XPO1: variants seen among roughly 807,000 people sequenced by gnomAD.
XPO1 encodes exportin 1, also known as exportin-1.
Under a neutral mutation model 133.3 loss-of-function variants are expected in XPO1, and 5 were observed. That is an observed-to-expected ratio of 0.04 (90% CI 0.02 to 0.08). The LOEUF is 0.08. XPO1 is among the 10% of genes least tolerant of loss of function. The pLI is 1.00. For missense variants in XPO1, 506 were observed against 1,267.5 expected (o/e 0.40, Z 9.12); for synonymous variants, 419 against 408.2 (o/e 1.03, Z -0.32).
chr2:61,506,042 T>C (rs1386618692), intron 4 of XPO1, among the ~76,000 whole-genome samples: 1 of 152,214 alleles, frequency 6.6e-6, no homozygotes, highest in East Asian at 1.9e-4. Context: ...AAGGATTATT[T>C]GATCAAGTAC....
chr2:61,481,305 AAAT>A (rs1489161735), intron 23 of XPO1, 24 bp from the exon 24 acceptor site: 5 of 1,565,852 alleles, frequency 3.2e-6, no homozygotes, highest in African/African-American at 1.4e-5. Context: ...CACAATGATT[AAAT>A]AATGATTTAT....
intron 19 of XPO1, among the ~76,000 whole-genome samples, chr2:61,487,386 C>T (rs767432818): frequency 1.3e-5 from 2 of 152,096 alleles, no homozygotes; most frequent in Non-Finnish European, 2.9e-5. Flanking sequence ...TCACATAATA[C>T]GCATGTTCAG....
rs530055095 is a variant in XPO1, at chr2:61,484,408, TCAC to T, written c.2509-306_2509-304del. 8.4e-5 allele frequency: 23 copies of T among 274,476 alleles called. 1 individual carries two copies. Among genetic ancestry groups the T allele is most frequent in the South Asian group, 1.8e-4 (3 of 16,990 alleles). 17.0% of individuals were successfully genotyped at this position (274,476 alleles called of 1,614,324 possible). On this transcript the variant is annotated intron_variant, in intron 20 of 24. Transcript: ENST00000401558. ...TATCACTTTTGTTTTTAATTTGAAA[TCAC>T]CACTACAGATTACAAAAAAATTTAA... is the stretch of plus-strand genomic sequence containing the variant.
chr2:61,502,087 T>C, intron 5 of XPO1, 47 bp from the exon 6 acceptor site: 1 of 1,556,546 alleles, frequency 6.4e-7, no homozygotes, highest in Middle Eastern at 1.7e-4. Context: ...TAAGTATAAA[T>C]AAGAATATAA....
chr2:61,526,323 G>A, intron 3 of XPO1, 97 bp downstream of exon 3: 6 of 1,466,974 alleles, frequency 4.1e-6, no homozygotes, highest in Non-Finnish European at 5.4e-6. Context: ...AAAATAATTT[G>A]AGATAACAAA....
At chr2:61,487,652 A>C (rs1696763107) in intron 19 of XPO1, among the ~76,000 whole-genome samples, 1 of 152,216 alleles carries the variant, frequency 6.6e-6, no homozygotes, top group African/African-American at 2.4e-5. Context: ...GTTAAAACCT[A>C]AAACTAATTC....
chr2:61,492,751 A>G lies in XPO1; in HGVS notation c.1385-3T>C. On this transcript the variant is annotated splice_polypyrimidine_tract_variant and splice_region_variant and intron_variant, in intron 13 of 24. Transcript: ENST00000401558. This position sits in a 1 kb window ranked among gnomAD's most constrained non-coding sequence, Gnocchi z 5.6. The stretch of plus-strand genomic sequence containing the variant: ...ATAATCCAGATGAGTAAGATAAACT[A>G]CAAAGAAAAACATGGTTTCAAATGC... The G allele has an allele frequency of 3.7e-6, 6 of 1,610,100 alleles. No individual in the cohort carries two copies. The highest frequency in any genetic ancestry group is 5.1e-6 in the Non-Finnish European group (6 of 1,179,132).
intron 1 of XPO1, among the ~76,000 whole-genome samples, chr2:61,535,425 G>A (rs566698341): frequency 6.6e-6 from 1 of 152,254 alleles, no homozygotes; most frequent in African/African-American, 2.4e-5. Context: ...TCCCATTTTA[G>A]GAACTTTCGT....
At position 61,481,269 on chromosome 2, in the gene XPO1, C is replaced by T. The variant is rs768112325; in HGVS notation, c.2985G>A (p.Lys995=). 3 of 1,610,252 alleles carry T rather than the reference C, an allele frequency of 1.9e-6. No homozygotes were observed. The highest frequency in any genetic ancestry group is 1.3e-5 in the African/African-American group (1 of 74,634). The change falls in exon 24 of 25, where the codon AAG becomes AAA. Residue 995 remains lysine (K), a synonymous_variant. Transcript: ENST00000401558. ...AGCTGAAAAGCCCTGTCACAAAGAG[C>T]TTTACTTGAGCACTGCAAATCAAAA... is the stretch of plus-strand genomic sequence containing the variant. ...AFPHLQDAQV[K]LFVTGLFSLN...
At chr2:61,533,633 A>G in intron 2 of XPO1, 139 bp downstream of exon 2, 2 of 1,065,380 alleles carry the variant, frequency 1.9e-6, no homozygotes, top group Non-Finnish European at 2.5e-6. Context: ...ACCAATTTTC[A>G]TTATGGTTAA....
At chr2:61,529,710 T>A (rs1388945444) in intron 2 of XPO1, among the ~76,000 whole-genome samples, 2 of 152,034 alleles carry the variant, frequency 1.3e-5, no homozygotes, top group African/African-American at 4.8e-5. Flanking sequence ...ATCCTGGCTT[T>A]GATGCTTTAT....
intron 1 of XPO1, chr2:61,537,204 T>C (rs1427317505): frequency 6.6e-6 from 1 of 151,892 alleles, no homozygotes; most frequent in Non-Finnish European, 1.5e-5. Context: ...TTTACAGAGA[T>C]GTTCCTGAAA....
At chr2:61,489,279 G>A (rs1419044095) in intron 17 of XPO1, among the ~76,000 whole-genome samples, 2 of 151,488 alleles carry the variant, frequency 1.3e-5, no homozygotes, top group African/African-American at 2.4e-5. Flanking sequence ...CAGGCACAAT[G>A]GTGCTTGCTT....
At chr2:61,506,324 G>A (rs935399493) in intron 4 of XPO1, among the ~76,000 whole-genome samples, 1 of 152,178 alleles carries the variant, frequency 6.6e-6, no homozygotes, top group Non-Finnish European at 1.5e-5. Context: ...TCAGGAGGCT[G>A]AGGCATGAGA....
chr2:61,516,992 C>G (rs1040538444), intron 4 of XPO1, among the ~76,000 whole-genome samples: 7 of 152,104 alleles, frequency 4.6e-5, no homozygotes, highest in African/African-American at 1.7e-4. Flanking sequence ...TAAGCTCCAC[C>G]TCCCAGGTTC....
chr2:61,526,473 C>T lies in XPO1; in HGVS notation c.175G>A (p.Ala59Thr). Residue 59 changes from alanine to threonine, a missense_variant, in exon 3 of 25, where the codon GCT becomes ACT. This residue lies in a region of XPO1 where 68 missense variants were observed against 210.5 expected (regional missense o/e 0.32). Coordinates refer to ENST00000401558, the MANE Select transcript of XPO1 (RefSeq NM_003400.4). The stretch of plus-strand genomic sequence containing the variant: ...AAAATTGTGTCGACTCTTGTCCAAG[C>T]ATCAGGATGCTCCTTTAAATGTGTC... The part of the protein sequence containing the change: ...VLTHLKEHPD[A>T]WTRVDTILEF... 1 of 1,608,444 alleles carries T rather than the reference C, an allele frequency of 6.2e-7. No homozygotes were observed. The highest frequency in any genetic ancestry group is 8.5e-7 in the Non-Finnish European group (1 of 1,178,736).
chr2:61,514,851 G>T (rs1477333359), intron 4 of XPO1, among the ~76,000 whole-genome samples: 1 of 152,074 alleles, frequency 6.6e-6, no homozygotes, highest in Non-Finnish European at 1.5e-5. Context: ...GAAGTGGACA[G>T]ATCACCTGAG....
intron 4 of XPO1, among the ~76,000 whole-genome samples, chr2:61,512,050 T>A (rs1052753998): frequency 6.6e-6 from 1 of 152,176 alleles, no homozygotes; most frequent in Non-Finnish European, 1.5e-5. Context: ...ATTACAGGCG[T>A]GAGACATCGC....
rs138664468 is a variant in XPO1 at position 61,492,627 on chromosome 2, G to A, written c.1506C>T (p.Gly502=). ...CTTCATGCATTGCTCCACTAATGGAGCCTATTGCCCAACACAATGTATTCA... is the reference window on the plus strand; with the variant it reads ...CTTCATGCATTGCTCCACTAATGGAACCTATTGCCCAACACAATGTATTCA... ...KNLNTLCWAI[G]SISGAMHEED... is the part of the protein sequence containing the mutation. The change falls in exon 14 of 25, where the codon GGC becomes GGT. Residue 502 remains glycine, a synonymous_variant. Coordinates refer to ENST00000401558, the MANE Select transcript of XPO1 (RefSeq NM_003400.4). This position sits in a 1 kb window ranked among gnomAD's most constrained non-coding sequence, Gnocchi z 5.6. 6.2e-7 allele frequency: 1 copy of A among 1,613,910 alleles called. No individual in the cohort carries two copies. Among genetic ancestry groups the A allele is most frequent in the Non-Finnish European group, 8.5e-7 (1 of 1,179,968 alleles).
Sources: gnomAD v4.1 joint callset for allele counts (sites outside exome capture counted in the v4.1 genomes callset) on GRCh38, gnomAD v4.1.1 for gene constraint, gnomAD v4.1.1 regional missense constraint, Gnocchi (gnomAD v3.1) non-coding constraint, MANE v1.5 for transcripts, NCBI Gene and HGNC (gene_info 2026-07-23, HGNC 2026-07-21) for gene names.